NAALADL2: variants seen among roughly 807,000 people sequenced by gnomAD.
The protein encoded by NAALADL2 is inactive N-acetylated-alpha-linked acidic dipeptidase-like protein 2.
In NAALADL2, 76 loss-of-function variants were observed where a neutral mutation model predicts 87.2. The observed-to-expected ratio is 0.87, with a 90% CI of 0.72 to 1.05. NAALADL2 has a LOEUF of 1.05. Among genes scored for constraint, NAALADL2 ranks in the 50% least tolerant of loss-of-function variants. The pLI is 0.00. For missense variants in NAALADL2, 1,089 were observed against 945.8 expected (o/e 1.15, Z -1.99); for synonymous variants, 354 against 331.0 (o/e 1.07, Z -0.75).
intron 1 of NAALADL2, among the ~76,000 whole-genome samples, chr3:174,518,846 A>G (rs1002368707): frequency 1.3e-5 from 2 of 152,202 alleles, no homozygotes; most frequent in African/African-American, 4.8e-5. Context: ...CCTTTCAAAG[A>G]CCATAAGCCT....
intron 2 of NAALADL2, among the ~76,000 whole-genome samples, chr3:174,713,631 A>G (rs1560166117): frequency 6.6e-6 from 1 of 151,866 alleles, no homozygotes; most frequent in East Asian, 1.9e-4. Flanking sequence ...CATATTGTTC[A>G]CCCACTTTTT....
At chr3:175,260,796 G>A (rs1459585993) in intron 4 of NAALADL2, among the ~76,000 whole-genome samples, 1 of 152,084 alleles carries the variant, frequency 6.6e-6, no homozygotes, top group Admixed American at 6.6e-5. Context: ...CAAAGGGGAA[G>A]CATAATTATG....
chr3:174,544,106 T>C (rs1197446942), intron 1 of NAALADL2, among the ~76,000 whole-genome samples: 1 of 152,016 alleles, frequency 6.6e-6, no homozygotes, highest in African/African-American at 2.4e-5. Flanking sequence ...CCCACCCCAA[T>C]CCAGTCCTTC....
intron 3 of NAALADL2, among the ~76,000 whole-genome samples, chr3:174,820,207 C>T (rs986097088): frequency 6.6e-6 from 1 of 152,092 alleles, no homozygotes; most frequent in African/African-American, 2.4e-5. Context: ...ATGAATACAT[C>T]CTAAGAGTCT....
chr3:175,791,856 A>C (rs1453691080), intron 13 of NAALADL2, among the ~76,000 whole-genome samples: 4 of 151,238 alleles, frequency 2.6e-5, no homozygotes, highest in Admixed American at 6.6e-5. Flanking sequence ...GACCCTCTTC[A>C]ACCCTCTAAT....
intron 1 of NAALADL2, among the ~76,000 whole-genome samples, chr3:175,008,937 A>C (rs2108795603): frequency 6.6e-6 from 1 of 152,304 alleles, no homozygotes; most frequent in Non-Finnish European, 1.5e-5. Context: ...TGTTTATCTT[A>C]TTCCTTAAAA....
intron 1 of NAALADL2, among the ~76,000 whole-genome samples, chr3:174,905,907 G>A (rs1261475691): frequency 6.6e-6 from 1 of 152,084 alleles, no homozygotes. Flanking sequence ...GTACAACTGA[G>A]TTGCACCTGG....
At chr3:174,837,100 A>T (rs563546265) in intron 3 of NAALADL2, among the ~76,000 whole-genome samples, 72 of 152,280 alleles carry the variant, frequency 4.7e-4, no homozygotes, top group African/African-American at 1.4e-3. Context: ...GAGAAACAAG[A>T]ACAAACCAAA....
intron 3 of NAALADL2, among the ~76,000 whole-genome samples, chr3:174,759,590 A>G (rs6771294): frequency 0.013 from 2,033 of 152,330 alleles, 29 homozygotes; most frequent in Middle Eastern, 0.027. Context: ...TTAGTTTTCA[A>G]TTAAAATATT....
At chr3:175,065,224 C>T (rs961479887) in intron 1 of NAALADL2, among the ~76,000 whole-genome samples, 1 of 152,128 alleles carries the variant, frequency 6.6e-6, no homozygotes, top group African/African-American at 2.4e-5. Context: ...GATGGACCCA[C>T]ATTTAGGAGA....
At chr3:174,586,769 A>G (rs1306749192) in intron 2 of NAALADL2, among the ~76,000 whole-genome samples, 6 of 152,126 alleles carry the variant, frequency 3.9e-5, no homozygotes, top group East Asian at 1.9e-4. Context: ...TCATTTCTCA[A>G]GGTATGCTTA....
At chr3:174,525,696 A>G (rs1254156490) in intron 1 of NAALADL2, among the ~76,000 whole-genome samples, 1 of 152,246 alleles carries the variant, frequency 6.6e-6, no homozygotes, top group Non-Finnish European at 1.5e-5. Context: ...GTGAAATCAA[A>G]AATTCATATA....
intron 2 of NAALADL2, among the ~76,000 whole-genome samples, chr3:175,166,442 C>G (rs1734016980): frequency 6.6e-6 from 1 of 152,062 alleles, no homozygotes; most frequent in Admixed American, 6.6e-5. Flanking sequence ...AGCTGCCTTT[C>G]TATTAGAATA....
intron 1 of NAALADL2, among the ~76,000 whole-genome samples, chr3:174,524,488 A>G (rs905949169): frequency 6.6e-6 from 1 of 152,122 alleles, no homozygotes; most frequent in Non-Finnish European, 1.5e-5. Flanking sequence ...GTCTTAATAC[A>G]CCTTATGTAA....
intron 3 of NAALADL2, among the ~76,000 whole-genome samples, chr3:174,756,614 T>C (rs1409875034): frequency 6.6e-6 from 1 of 152,242 alleles, no homozygotes; most frequent in East Asian, 1.9e-4. Flanking sequence ...CCTAAATATA[T>C]GCAGCCTGCA....
intron 1 of NAALADL2, among the ~76,000 whole-genome samples, chr3:174,885,876 GTTTTTTTTTTTTTTTTTTTTTTTTT>G (rs60403770): frequency 1.4e-3 from 146 of 101,574 alleles, no homozygotes; most frequent in Non-Finnish European, 1.9e-3. Flanking sequence ...AGTCCGAGTT[GTTTTTTTTTTTTTTTTTTTTTTTTT>G]TTTTTTTTTT....
At chr3:175,354,867 T>G (rs890683380) in intron 5 of NAALADL2, among the ~76,000 whole-genome samples, 1 of 126,062 alleles carries the variant, frequency 7.9e-6, no homozygotes, top group African/African-American at 2.9e-5. Flanking sequence ...TATACATACA[T>G]ACATACATAT....
intron 1 of NAALADL2, among the ~76,000 whole-genome samples, chr3:174,995,138 A>G (rs1236729011): frequency 1.3e-5 from 2 of 150,792 alleles, no homozygotes; most frequent in Admixed American, 1.3e-4. Context: ...ATAATAGCAA[A>G]AAAAAAAGAT....
At chr3:174,477,516 T>C (rs1577990011) in intron 1 of NAALADL2, among the ~76,000 whole-genome samples, 2 of 152,260 alleles carry the variant, frequency 1.3e-5, no homozygotes, top group East Asian at 3.9e-4. Context: ...CAAAACATCA[T>C]GTTGGGTGAA....
Sources: gnomAD v4.1 joint callset for allele counts (sites outside exome capture counted in the v4.1 genomes callset) on GRCh38, gnomAD v4.1.1 for gene constraint, MANE v1.5 for transcripts, NCBI Gene and HGNC (gene_info 2026-07-23, HGNC 2026-07-21) for gene names.